Variants in CORO2A observed in about 807,000 individuals in gnomAD.
CORO2A encodes the protein coronin 2A.
In CORO2A, 47 loss-of-function variants were observed where a neutral mutation model predicts 62.4. The ratio of observed to expected loss-of-function variants is 0.75; its 90% CI spans 0.60 to 0.96. CORO2A has a LOEUF of 0.96. CORO2A is among the 40% of genes least tolerant of loss of function. The pLI is 0.00. For missense variants in CORO2A, 610 were observed against 684.1 expected (o/e 0.89, Z 1.21); for synonymous variants, 273 against 268.9 (o/e 1.02, Z -0.15).
intron 1 of CORO2A, among the ~76,000 whole-genome samples, chr9:98,178,193 T>C (rs1360473760): frequency 2.0e-5 from 3 of 152,114 alleles, no homozygotes; most frequent in Non-Finnish European, 4.4e-5. Context: ...ACCACAGGCA[T>C]GAGCCACCAT....
At chr9:98,191,868 C>A (rs967608399) in intron 1 of CORO2A, among the ~76,000 whole-genome samples, 1 of 152,226 alleles carries the variant, frequency 6.6e-6, no homozygotes, top group Non-Finnish European at 1.5e-5. Context: ...TAGGCACCAG[C>A]ACCTGGCCCG....
intron 1 of CORO2A, among the ~76,000 whole-genome samples, chr9:98,160,428 T>A (rs910949702): frequency 2.0e-5 from 3 of 152,118 alleles, no homozygotes; most frequent in Non-Finnish European, 4.4e-5. Flanking sequence ...AGTGGCCAAT[T>A]CAACAAGGAA....
At chr9:98,139,628 A>AAAAT (rs370430894) in intron 2 of CORO2A, among the ~76,000 whole-genome samples, 18 of 152,266 alleles carry the variant, frequency 1.2e-4, no homozygotes, top group Admixed American at 3.9e-4. Context: ...CTCCGTCTCA[A>AAAAT]AAATAAATAA....
chr9:98,159,443 T>C (rs1474888579), intron 1 of CORO2A, among the ~76,000 whole-genome samples: 1 of 152,042 alleles, frequency 6.6e-6, no homozygotes, highest in South Asian at 2.1e-4. Flanking sequence ...CTGGGTCTCA[T>C]TCCATATTCC....
chr9:98,151,650 T>C (rs903345333), intron 2 of CORO2A, among the ~76,000 whole-genome samples: 2 of 152,128 alleles, frequency 1.3e-5, no homozygotes, highest in Non-Finnish European at 1.5e-5. Flanking sequence ...CCTAACACTT[T>C]CAACTTTTCT....
At chr9:98,182,949 C>T (rs1022487202) in intron 1 of CORO2A, among the ~76,000 whole-genome samples, 1 of 152,188 alleles carries the variant, frequency 6.6e-6, no homozygotes, top group African/African-American at 2.4e-5. Flanking sequence ...AATGAAATAC[C>T]GCAGTAGCTT....
chr9:98,185,515 G>T (rs1363976661), intron 1 of CORO2A, among the ~76,000 whole-genome samples: 1 of 152,200 alleles, frequency 6.6e-6, no homozygotes, highest in Non-Finnish European at 1.5e-5. Flanking sequence ...CTTGTTGTCC[G>T]CAATCTTAGA....
At chr9:98,159,937 C>T (rs994283184) in intron 1 of CORO2A, among the ~76,000 whole-genome samples, 6 of 152,174 alleles carry the variant, frequency 3.9e-5, no homozygotes, top group East Asian at 3.9e-4. Context: ...CCAGCCCACA[C>T]GGCTGACCCA....
chr9:98,162,464 T>C (rs545659207), intron 1 of CORO2A, among the ~76,000 whole-genome samples: 107 of 152,166 alleles, frequency 7.0e-4, no homozygotes, highest in African/African-American at 2.0e-3. Flanking sequence ...CCCAATCCTC[T>C]CCCCACCCTA....
Position 98,157,544 on chromosome 9 carries a change from G to A in CORO2A, c.117C>T (p.His39=), listed in dbSNP as rs1337868258. Residue 39 remains histidine, a synonymous_variant, in exon 2 of 12, where the codon CAC becomes CAT. Coordinates refer to ENST00000375077, the MANE Select transcript of CORO2A (RefSeq NM_052820.4). ...TGAAGTGGGGGTTCACGGCACAGAA[G>A]TGGTTGTCGTGAACGCTGCGGGTGA... The part of the protein sequence containing the change: ...VPITRSVHDN[H]FCAVNPHFIA... The A allele has an allele frequency of 6.2e-6, 10 of 1,614,102 alleles. No individual in the cohort carries two copies. Among genetic ancestry groups the A allele is most frequent in the Admixed American group, 3.3e-5 (2 of 60,000 alleles).
At chr9:98,166,690 A>G (rs1276096305) in intron 1 of CORO2A, among the ~76,000 whole-genome samples, 1 of 152,248 alleles carries the variant, frequency 6.6e-6, no homozygotes, top group Non-Finnish European at 1.5e-5. Context: ...AAGAAATGAA[A>G]GCAGGGTCTA....
intron 1 of CORO2A, among the ~76,000 whole-genome samples, chr9:98,181,816 AC>A (rs1828181220): frequency 6.6e-6 from 1 of 151,864 alleles, no homozygotes. Context: ...GGCTCCCCTC[AC>A]ATCATGTTTT....
At chr9:98,153,381 G>A (rs539682178) in intron 2 of CORO2A, among the ~76,000 whole-genome samples, 2 of 150,520 alleles carry the variant, frequency 1.3e-5, no homozygotes, top group African/African-American at 2.5e-5. Flanking sequence ...GATTACAGGC[G>A]TAAGCCAGCG....
chr9:98,138,498 T>A (rs926163250), intron 2 of CORO2A, among the ~76,000 whole-genome samples: 1 of 151,374 alleles, frequency 6.6e-6, no homozygotes, highest in South Asian at 2.1e-4. Context: ...CAAATGCCCA[T>A]CAAGTGAAGA....
rs147055260 is a variant in CORO2A at position 98,134,871 on chromosome 9, C to T, written c.403G>A (p.Val135Ile). ...GTGGGGTGCCACTCCACCAGGCCTA[C>T]TCTGCGCGCGTGGCCCACGAGTTCC... The part of the protein sequence containing the change: ...RKELVGHARR[V>I]GLVEWHPTAA... The change falls in exon 4 of 12, where the codon GTA becomes ATA. Residue 135 changes from valine (V) to isoleucine (I), a missense_variant. Transcript: ENST00000375077. The T allele has an allele frequency of 2.2e-5, 35 of 1,614,192 alleles. No homozygotes were observed. In the African/African-American group the frequency reaches 2.9e-4, roughly 14 times the overall value.
At chr9:98,190,564 G>A (rs1402934740) in intron 1 of CORO2A, among the ~76,000 whole-genome samples, 2 of 152,178 alleles carry the variant, frequency 1.3e-5, no homozygotes, top group African/African-American at 4.8e-5. Flanking sequence ...GACAGGGGAT[G>A]CCTATCTGTA....
Position 98,182,270 on chromosome 9 carries a change from G to A in CORO2A, c.-1+10289C>T, listed in dbSNP as rs374973997. On this transcript the variant is annotated intron_variant, in intron 1 of 11. Transcript: ENST00000375077. Reference sequence around the variant, plus strand: ...ATTGAAAGATAACTTTTTAGGGAGCGAATGAATGGGTCAGTCTGGGTGAGG... The same window carrying A: ...ATTGAAAGATAACTTTTTAGGGAGCAAATGAATGGGTCAGTCTGGGTGAGG... Among the ~76,000 whole-genome samples the A allele has an allele frequency of 8.5e-5, 13 of 152,276 alleles. 1 individual carries two copies. In the South Asian group the frequency reaches 1.7e-3, roughly 19 times the overall value.
intron 3 of CORO2A, among the ~76,000 whole-genome samples, chr9:98,135,222 G>A (rs1425441562): frequency 1.3e-5 from 2 of 152,190 alleles, no homozygotes; most frequent in Admixed American, 1.3e-4. Context: ...ATCTGCCCTT[G>A]AGAGATCTTT....
At chr9:98,169,012 G>A (rs1470818563) in intron 1 of CORO2A, among the ~76,000 whole-genome samples, 2 of 152,194 alleles carry the variant, frequency 1.3e-5, no homozygotes, top group South Asian at 2.1e-4. Flanking sequence ...GACCTGGGAC[G>A]GGGTGGAGGG....
Sources: allele counts gnomAD v4.1 joint callset (sites outside exome capture counted in the v4.1 genomes callset), GRCh38; gene constraint gnomAD v4.1.1; transcripts MANE v1.5; gene names NCBI Gene and HGNC (gene_info 2026-07-23, HGNC 2026-07-21).